The following CNTNAP5 variants were observed in gnomAD, a reference collection of about 807,000 sequenced individuals.
CNTNAP5 encodes the protein contactin associated protein family member 5.
A neutral mutation model predicts 150.2 loss-of-function variants in CNTNAP5; 72 were observed. The observed-to-expected ratio is 0.48, with a 90% confidence interval of 0.40 to 0.58. The LOEUF (loss-of-function observed/expected upper bound fraction) is 0.58, where lower values mean the gene tolerates loss of function less well. CNTNAP5 is among the 20% of genes least tolerant of loss of function. The pLI, the probability that CNTNAP5 is intolerant of heterozygous loss-of-function variation, is 0.00. For missense variants in CNTNAP5, 1,636 were observed against 1,626.2 expected (o/e 1.01, Z -0.10); for synonymous variants, 672 against 619.8 (o/e 1.08, Z -1.25).
At chr2:124,263,368 G>A (rs1687513810) in intron 3 of CNTNAP5, among the ~76,000 whole-genome samples, 1 of 152,154 alleles carries the variant, frequency 6.6e-6, no homozygotes, top group East Asian at 1.9e-4. Context: ...GTAGCTCATT[G>A]TGGTTTTGAT....
intron 4 of CNTNAP5, among the ~76,000 whole-genome samples, chr2:124,420,791 A>G (rs1416893990): frequency 6.6e-6 from 1 of 152,162 alleles, no homozygotes; most frequent in East Asian, 1.9e-4. Context: ...TATGTACTTC[A>G]GGCACGTTTA....
At chr2:124,500,398 A>T (rs536265719) in intron 7 of CNTNAP5, among the ~76,000 whole-genome samples, 83 of 152,266 alleles carry the variant, frequency 5.5e-4, no homozygotes, top group Admixed American at 1.0e-3. Context: ...AATAAAGAAA[A>T]GTGGGGATTT....
intron 21 of CNTNAP5, among the ~76,000 whole-genome samples, chr2:124,877,033 AT>A (rs112412100): frequency 0.041 from 6,279 of 152,018 alleles, 428 homozygotes; most frequent in African/African-American, 0.14. Flanking sequence ...GATTTTTGTT[AT>A]TTTTTTCCTT....
chr2:124,453,284 C>T (rs1024951780), intron 6 of CNTNAP5, among the ~76,000 whole-genome samples: 4 of 151,688 alleles, frequency 2.6e-5, no homozygotes, highest in Admixed American at 2.0e-4. Flanking sequence ...GAAAGAACTT[C>T]GGAGCTCAGA....
intron 14 of CNTNAP5, among the ~76,000 whole-genome samples, chr2:124,748,423 G>A (rs1439429692): frequency 6.6e-6 from 1 of 152,072 alleles, no homozygotes; most frequent in Non-Finnish European, 1.5e-5. Flanking sequence ...TATCCTCCAG[G>A]TGAACTGCTA....
intron 1 of CNTNAP5, among the ~76,000 whole-genome samples, chr2:124,026,861 C>T (rs183395544): frequency 6.6e-6 from 1 of 151,964 alleles, no homozygotes; most frequent in Non-Finnish European, 1.5e-5. Context: ...ACCTCACTCT[C>T]CACCCAGTTA....
At chr2:124,635,548 C>T (rs555558579) in intron 12 of CNTNAP5, among the ~76,000 whole-genome samples, 1 of 152,286 alleles carries the variant, frequency 6.6e-6, no homozygotes, top group East Asian at 1.9e-4. Flanking sequence ...TCAAGTCCTC[C>T]TGACTTCCCT....
At chr2:124,862,489 AAGCTCAC>A (rs370308770) in intron 19 of CNTNAP5, among the ~76,000 whole-genome samples, 3 of 152,298 alleles carry the variant, frequency 2.0e-5, no homozygotes, top group African/African-American at 7.2e-5. Flanking sequence ...GAGGAAATGG[AAGCTCAC>A]AGATGAAGCA....
intron 21 of CNTNAP5, among the ~76,000 whole-genome samples, chr2:124,893,584 C>A (rs1017692877): frequency 6.6e-6 from 1 of 152,038 alleles, no homozygotes; most frequent in East Asian, 1.9e-4. Context: ...TATTATGGAG[C>A]AATAACTACA....
rs186350949 is a variant in CNTNAP5 at position 124,276,573 on chromosome 2, C to A, written c.381+34180C>A. Among the ~76,000 whole-genome samples the A allele has an allele frequency of 1.5e-3, 223 of 152,090 alleles. 1 individual carries two copies. Among genetic ancestry groups the A allele is most frequent in the Non-Finnish European group, 2.6e-3 (177 of 67,984 alleles). ...ATCCAAGGAGTGGACATATTTGGGCCCAACCTTTCAAACTTCCAAGTTCAG... is the reference window on the plus strand; with the variant it reads ...ATCCAAGGAGTGGACATATTTGGGCACAACCTTTCAAACTTCCAAGTTCAG... On this transcript the variant is annotated intron_variant, in intron 3 of 23. Transcript: ENST00000682447.
At chr2:124,452,915 C>T (rs902318266) in intron 6 of CNTNAP5, among the ~76,000 whole-genome samples, 1 of 152,104 alleles carries the variant, frequency 6.6e-6, no homozygotes, top group African/African-American at 2.4e-5. Context: ...CATAGCCTAC[C>T]CAAATGAGAA....
chr2:124,798,356 G>A, intron 19 of CNTNAP5, 36 bp downstream of exon 19: 1 of 1,500,332 alleles, frequency 6.7e-7, no homozygotes, highest in Non-Finnish European at 9.3e-7. Flanking sequence ...CGGAGTCTCA[G>A]CCTGGGCTGG....
intron 4 of CNTNAP5, among the ~76,000 whole-genome samples, chr2:124,422,624 T>A (rs1027944899): frequency 6.6e-6 from 1 of 152,178 alleles, no homozygotes; most frequent in Admixed American, 6.5e-5. Context: ...TCCTAATGAA[T>A]CTTCTAATAC....
chr2:124,108,119 T>G (rs1022893949), intron 1 of CNTNAP5, among the ~76,000 whole-genome samples: 4 of 152,218 alleles, frequency 2.6e-5, no homozygotes, highest in African/African-American at 9.6e-5. Flanking sequence ...GTCCTGCACC[T>G]GTGAAGATTA....
At chr2:124,908,678 G>A (rs1678591107) in intron 22 of CNTNAP5, among the ~76,000 whole-genome samples, 1 of 152,066 alleles carries the variant, frequency 6.6e-6, no homozygotes, top group South Asian at 2.1e-4. Flanking sequence ...TCAGAAGAAG[G>A]CATTGTTATG....
At chr2:124,585,935 T>C (rs1290042646) in intron 11 of CNTNAP5, among the ~76,000 whole-genome samples, 1 of 152,130 alleles carries the variant, frequency 6.6e-6, no homozygotes, top group African/African-American at 2.4e-5. Context: ...CAGTATCACT[T>C]GGTTGTGAGG....
chr2:124,323,747 A>G (rs890789707), intron 3 of CNTNAP5, among the ~76,000 whole-genome samples: 1 of 152,218 alleles, frequency 6.6e-6, no homozygotes, highest in African/African-American at 2.4e-5. Flanking sequence ...AGCTAACTAG[A>G]CAGCTAAGGA....
intron 3 of CNTNAP5, among the ~76,000 whole-genome samples, chr2:124,414,948 T>G (rs1303283447): frequency 1.3e-5 from 2 of 152,116 alleles, no homozygotes; most frequent in Non-Finnish European, 2.9e-5. Context: ...TAGAAAAACA[T>G]GACACACTTT....
At chr2:124,294,473 C>T (rs1195529045) in intron 3 of CNTNAP5, among the ~76,000 whole-genome samples, 2 of 151,710 alleles carry the variant, frequency 1.3e-5, no homozygotes, top group Non-Finnish European at 2.9e-5. Flanking sequence ...ATCTTTAGTA[C>T]CAGAGGAGAA....
Sources: gnomAD v4.1 joint callset for allele counts (sites outside exome capture counted in the v4.1 genomes callset) on GRCh38, gnomAD v4.1.1 for gene constraint, MANE v1.5 for transcripts, NCBI Gene and HGNC (gene_info 2026-07-23, HGNC 2026-07-21) for gene names.